Variants in LAMP3 observed in about 807,000 individuals in gnomAD.
LAMP3 encodes lysosome-associated membrane glycoprotein 3.
In LAMP3, 26 loss-of-function variants were observed where a neutral mutation model predicts 34.8. The ratio of observed to expected loss-of-function variants is 0.75; its 90% CI spans 0.55 to 1.04. LAMP3 has a LOEUF of 1.04. LAMP3 is among the 50% of genes least tolerant of loss of function. LAMP3 has a pLI of 0.00. For missense variants in LAMP3, 495 were observed against 524.0 expected (o/e 0.94, Z 0.54); for synonymous variants, 180 against 201.9 (o/e 0.89, Z 0.92).
In LAMP3 at chr3:183,148,084, C is replaced by A. The variant is rs571108021; in HGVS notation, c.888+4291G>T. ...TACATTGAGGAAAGGACAGTGTCTT[C>A]AATAAATGGTGCTAGGAAAACTGGG... On this transcript the variant is annotated intron_variant, in intron 3 of 5. Transcript: ENST00000265598. Among the ~76,000 whole-genome samples the A allele has an allele frequency of 1.1e-4, 16 of 152,218 alleles. No individual in the cohort carries two copies. In the East Asian group the frequency reaches 1.2e-3, roughly 11 times the overall value.
At chr3:183,151,424 C>CTTTT (rs1303908629) in intron 3 of LAMP3, among the ~76,000 whole-genome samples, 17 of 130,042 alleles carry the variant, frequency 1.3e-4, no homozygotes, top group African/African-American at 4.7e-4. Flanking sequence ...GGGGCATGCT[C>CTTTT]TTTTTTTTTT....
chr3:183,140,128 C>T (rs1229606354), intron 4 of LAMP3, among the ~76,000 whole-genome samples: 4 of 152,096 alleles, frequency 2.6e-5, no homozygotes, highest in Non-Finnish European at 4.4e-5. Context: ...CAGCATCGGC[C>T]GGGTGCAGTG....
Position 183,154,091 on chromosome 3 carries a change from G to A in LAMP3, c.350C>T (p.Ala117Val). 1.9e-6 allele frequency: 3 copies of A among 1,614,180 alleles called. No individual in the cohort carries two copies. Among genetic ancestry groups the A allele is most frequent in the Non-Finnish European group, 1.7e-6 (2 of 1,180,020 alleles). Residue 117 changes from alanine to valine, a missense_variant, in exon 2 of 6, where the codon GCT becomes GTT. Transcript: ENST00000265598. ...GACTGTAACTTCAGTAACTGGAGGAGCTGTGTGTGAGTTGTTGGGTGTGGC... is the reference window on the plus strand; with the variant it reads ...GACTGTAACTTCAGTAACTGGAGGAACTGTGTGTGAGTTGTTGGGTGTGGC... ...TQATPNNSHT[A>V]PPVTEVTVGP...
In LAMP3 at chr3:183,123,798, T is replaced by A; in HGVS notation, c.*283A>T. On this transcript the variant is annotated 3_prime_UTR_variant, in exon 6 of 6. Transcript: ENST00000265598. ...CTTATTCTACTTTACATATATTATG[T>A]TAATTCAACATATCTCAAATGTTGA... is the stretch of plus-strand genomic sequence containing the variant. The A allele has an allele frequency of 2.7e-6, 1 of 369,856 alleles. No homozygotes were observed. Among genetic ancestry groups the A allele is most frequent in the Non-Finnish European group, 5.0e-6 (1 of 201,136 alleles). The allele number at this position is 369,856 out of a possible 1,614,324, so 22.9% of individuals were successfully genotyped here. A position where few individuals can be genotyped will look rare whatever the true frequency, so the allele number is the denominator to read the frequency against.
At position 183,154,313 on chromosome 3, in the gene LAMP3, G is replaced by T; in HGVS notation, c.128C>A (p.Ala43Glu). 6.2e-7 allele frequency: 1 copy of T among 1,613,982 alleles called. No homozygotes were observed. Among genetic ancestry groups the T allele is most frequent in the Non-Finnish European group, 8.5e-7 (1 of 1,179,990 alleles). The change falls in exon 2 of 6, where the codon GCA becomes GAA. Residue 43 changes from alanine (A) to glutamate (E), a missense_variant. Coordinates refer to ENST00000265598, the MANE Select transcript of LAMP3 (RefSeq NM_014398.4). ...AGGTTTTTTTATGTCCTGTACTGTT[G>T]CTGCTGCAGTAGGTTGAGAATAATC... Reference protein sequence around the residue: ...TRDYSQPTAAATVQDIKKPVQ... With the variant: ...TRDYSQPTAAETVQDIKKPVQ...
Position 183,135,780 on chromosome 3 carries a change from G to A in LAMP3, c.1054C>T (p.Gln352Ter). 1 of 1,614,174 alleles carries A rather than the reference G, an allele frequency of 6.2e-7. No homozygotes were observed. The highest frequency in any genetic ancestry group is 8.5e-7 in the Non-Finnish European group (1 of 1,179,994). ...EQSLQLSAHL[Q>*]VKTTDVQLQA... is the part of the protein sequence containing the mutation. ...AGTTGGACATCGGTTGTTTTCACCT[G>A]CAGGTGGGCTGACAACTGGAGGCTC... Residue 352 changes from glutamine (Q) to a stop codon, truncating the protein, a stop_gained, in exon 5 of 6, where the codon CAG (glutamine) becomes TAG (stop). Coordinates refer to ENST00000265598, the MANE Select transcript of LAMP3 (RefSeq NM_014398.4). LOFTEE classifies it high-confidence loss of function.
At chr3:183,133,269 G>A (rs79034696) in intron 5 of LAMP3, among the ~76,000 whole-genome samples, 10,012 of 152,220 alleles carry the variant, frequency 0.066, 388 homozygotes, top group Admixed American at 0.12. Context: ...ATCCAACTTT[G>A]AGAAAATGCT....
upstream of LAMP3, chr3:183,162,876 C>T: frequency 1.9e-6 from 1 of 526,550 alleles, no homozygotes. Context: ...CCGCCGGGGC[C>T]CGGGCCTCTG....
chr3:183,148,943 T>C (rs942580709), intron 3 of LAMP3, among the ~76,000 whole-genome samples: 1 of 152,172 alleles, frequency 6.6e-6, no homozygotes, highest in East Asian at 1.9e-4. Context: ...GCAACCCAAG[T>C]GGCCATCAAC....
rs773972648 is a variant in LAMP3 at position 183,154,381 on chromosome 3, G to A, written c.60C>T (p.His20=). The change falls in exon 2 of 6, where the codon CAC becomes CAT. Residue 20 remains histidine, a synonymous_variant. Transcript: ENST00000265598. ...CTTTTGCTCTCATTTGACTGCCATC[G>A]TGCAAAATTACTGAAAATTAGGAAA... The part of the protein sequence containing the change: ...ALFASLAVIL[H]DGSQMRAKAF... 2.0e-5 allele frequency: 32 copies of A among 1,591,372 alleles called. No homozygotes were observed. In the South Asian group the frequency reaches 2.2e-4, roughly 11 times the overall value.
intron 3 of LAMP3, among the ~76,000 whole-genome samples, chr3:183,143,617 T>C (rs1720352328): frequency 6.6e-6 from 1 of 152,156 alleles, no homozygotes; most frequent in Admixed American, 6.5e-5. Flanking sequence ...TCAGGGTTAA[T>C]GGCGTGGGGA....
chr3:183,135,665 A>G (rs1445757853), intron 5 of LAMP3, 52 bp downstream of exon 5: 1 of 1,532,938 alleles, frequency 6.5e-7, no homozygotes, highest in Non-Finnish European at 9.0e-7. Flanking sequence ...CTTTGGATCT[A>G]CCCTGGGGTC....
Position 183,153,965 on chromosome 3 carries a change from G to C in LAMP3, c.476C>G (p.Thr159Ser). ...SSTVSHTTGN[T>S]TQPSNQTTLP... ...GGTGGTCTGGTTACTGGGTTGAGTG[G>C]TGTTCCCAGTTGTGTGGCTGACGGT... The change falls in exon 2 of 6, where the codon ACC becomes AGC. Residue 159 changes from threonine (T) to serine (S), a missense_variant. Thr to Ser is a moderately conservative substitution (Grantham distance 58). Transcript: ENST00000265598. 2.5e-6 allele frequency: 4 copies of C among 1,614,182 alleles called. No homozygotes were observed. The highest frequency in any genetic ancestry group is 3.4e-6 in the Non-Finnish European group (4 of 1,180,022).
chr3:183,156,337 G>A (rs1576888930), intron 1 of LAMP3, among the ~76,000 whole-genome samples: 1 of 149,180 alleles, frequency 6.7e-6, no homozygotes, highest in Non-Finnish European at 1.5e-5. Context: ...CTCTAGCCTG[G>A]GCAATAAAAG....
upstream of LAMP3, chr3:183,162,980 C>A (rs1721026382): frequency 3.4e-6 from 1 of 291,642 alleles, no homozygotes; most frequent in Non-Finnish European, 6.4e-6. Context: ...CTTTTTGAGA[C>A]GAAGTCTCGC....
At chr3:183,143,463 G>A (rs1409856812) in intron 3 of LAMP3, among the ~76,000 whole-genome samples, 1 of 152,178 alleles carries the variant, frequency 6.6e-6, no homozygotes, top group Non-Finnish European at 1.5e-5. Flanking sequence ...AAAAGTATCT[G>A]TTAGGTGGAT....
intron 5 of LAMP3, among the ~76,000 whole-genome samples, chr3:183,133,435 A>G: frequency 6.6e-6 from 1 of 152,020 alleles, no homozygotes; most frequent in Admixed American, 6.6e-5. Context: ...GCTCACTGCA[A>G]CCTCCGCCTC....
intron 1 of LAMP3, among the ~76,000 whole-genome samples, chr3:183,157,049 G>A (rs1720842740): frequency 6.6e-6 from 1 of 152,050 alleles, no homozygotes; most frequent in African/African-American, 2.4e-5. Flanking sequence ...GCTGAAAAGG[G>A]GATTATTTTC....
In LAMP3 at chr3:183,124,105, T is replaced by C. The variant is rs1378056969; in HGVS notation, c.1227A>G (p.Gln409=). 2 of 1,614,012 alleles carry C rather than the reference T, an allele frequency of 1.2e-6. No homozygotes were observed. The highest frequency in any genetic ancestry group is 2.7e-5 in the African/African-American group (2 of 74,926). The change falls in exon 6 of 6, where the codon CAA becomes CAG. Residue 409 remains glutamine, a synonymous_variant. Transcript: ENST00000265598. ...ATTAGATTCTCTGGTATCCAGATGA[T>C]TGACACCTTAGGCGGATTTTATAGA... is the stretch of plus-strand genomic sequence containing the variant. The part of the protein sequence containing the change: ...MGVYKIRLRC[Q]SSGYQRI
Sources: allele counts gnomAD v4.1 joint callset (sites outside exome capture counted in the v4.1 genomes callset), GRCh38; gene constraint gnomAD v4.1.1; transcripts MANE v1.5; gene names NCBI Gene and HGNC (gene_info 2026-07-23, HGNC 2026-07-21).